The following TNRC18 variants were observed in gnomAD, a reference collection of about 807,000 sequenced individuals.
TNRC18 encodes trinucleotide repeat containing 18, also known as trinucleotide repeat-containing gene 18 protein.
Under a neutral mutation model 226.7 loss-of-function variants are expected in TNRC18, and 69 were observed. The ratio of observed to expected loss-of-function variants is 0.30; its 90% CI spans 0.25 to 0.37. TNRC18 has a LOEUF of 0.37. TNRC18 is among the 10% of genes least tolerant of loss of function. The pLI is 1.00. For synonymous variants in TNRC18, 2,449 were observed against 1,927.6 expected (o/e 1.27, Z -7.09); for missense variants, 4,754 against 4,256.6 (o/e 1.12, Z -3.25).
intron 21 of TNRC18, among the ~76,000 whole-genome samples, chr7:5,323,503 A>C (rs1788587817): frequency 6.7e-6 from 1 of 149,720 alleles, no homozygotes; most frequent in Non-Finnish European, 1.5e-5. Flanking sequence ...TGGACAGCAC[A>C]GCCTCCTAAC....
chr7:5,351,001 C>A (rs1452431268), intron 17 of TNRC18, among the ~76,000 whole-genome samples: 1 of 152,058 alleles, frequency 6.6e-6, no homozygotes, highest in Non-Finnish European at 1.5e-5. Context: ...TAACCACTGG[C>A]AAGTAAGAAT....
rs1010863348 is a variant in TNRC18 at position 5,306,811 on chromosome 7, TTTTC to T, written c.*1291_*1294del. 3 of 151,668 alleles carry T rather than the reference TTTTC, an allele frequency of 2.0e-5. No individual in the cohort carries two copies. Among genetic ancestry groups the T allele is most frequent in the African/African-American group, 7.3e-5 (3 of 41,178 alleles). The allele number at this position is 151,668 out of a possible 1,614,324, so 9.4% of individuals were successfully genotyped here. A position where few individuals can be genotyped will look rare whatever the true frequency, so the allele number is the denominator to read the frequency against. Reference sequence around the variant, plus strand: ...ACAATTTTATTTTTCCAATTAAATCTTTTCTTTTTTTTTATGAAAAAAGATCACA... The same window carrying T: ...ACAATTTTATTTTTCCAATTAAATCTTTTTTTTTTATGAAAAAAGATCACA... On this transcript the variant is annotated 3_prime_UTR_variant, in exon 30 of 30. Transcript: ENST00000430969.
At chr7:5,365,078 G>C (rs1376448856) in intron 11 of TNRC18, among the ~76,000 whole-genome samples, 1 of 152,104 alleles carries the variant, frequency 6.6e-6, no homozygotes, top group African/African-American at 2.4e-5. Context: ...GATGAGTTTT[G>C]ATTCATCTAA....
intron 27 of TNRC18, among the ~76,000 whole-genome samples, chr7:5,311,829 A>AAAAG (rs199935547): frequency 6.8e-6 from 1 of 147,862 alleles, no homozygotes; most frequent in Non-Finnish European, 1.5e-5. Flanking sequence ...TAAAAAAAAA[A>AAAAG]AAAGAAAGAA....
At chr7:5,310,528 C>T (rs1253672715) in intron 27 of TNRC18, among the ~76,000 whole-genome samples, 9 of 152,018 alleles carry the variant, frequency 5.9e-5, no homozygotes, top group Admixed American at 5.9e-4. Flanking sequence ...AGCCACTGCG[C>T]CCGGCTAAAA....
In TNRC18 at chr7:5,324,399, G is replaced by A; in HGVS notation, c.6301-44C>T. 1 of 1,604,624 alleles carries A rather than the reference G, an allele frequency of 6.2e-7. No individual in the cohort carries two copies. Among genetic ancestry groups the A allele is most frequent in the Non-Finnish European group, 8.5e-7 (1 of 1,175,840 alleles). On this transcript the variant is annotated intron_variant, in intron 20 of 29. Transcript: ENST00000430969. The surrounding 1 kb of genome is among the most constrained non-coding windows in gnomAD (Gnocchi z 4.8). ...CGACAAATGACTTAGGACCTGAACA[G>A]GGGTCCTGCCGGGTTGGGGACCCTC... is the stretch of plus-strand genomic sequence containing the variant.
intron 18 of TNRC18, among the ~76,000 whole-genome samples, chr7:5,334,499 G>A (rs973829772): frequency 2.0e-5 from 3 of 148,596 alleles, no homozygotes; most frequent in African/African-American, 7.5e-5. Flanking sequence ...GGGTTTCACC[G>A]TGTTAGGCAG....
chr7:5,314,025 AGGGCTCATTGCAGCCCTAACCTGCCT>A (rs1787587323), intron 26 of TNRC18, among the ~76,000 whole-genome samples, 162 bp from the exon 27 acceptor site: 1 of 151,904 alleles, frequency 6.6e-6, no homozygotes, highest in Non-Finnish European at 1.5e-5. Context: ...TGGCGTCATC[AGGGCTCATTGCAGCCCTAACCTGCCT>A]GGGCTCATGT....
chr7:5,421,265 G>C lies in TNRC18; in HGVS notation c.-19C>G. On this transcript the variant is annotated 5_prime_UTR_variant, in exon 2 of 30. It adds an upstream start codon to the 5' untranslated region. Transcript: ENST00000430969. The stretch of plus-strand genomic sequence containing the variant: ...CATCCATCCTCCGCGGGAGTGCCGC[G>C]ATCAGCCCCCCACCCGGCCCGCAGG... 2 of 1,283,556 alleles carry C rather than the reference G, an allele frequency of 1.6e-6. No homozygotes were observed. Among genetic ancestry groups the C allele is most frequent in the Non-Finnish European group, 2.0e-6 (2 of 1,012,874 alleles). 79.5% of individuals were successfully genotyped at this position (1,283,556 alleles called of 1,614,324 possible).
At chr7:5,354,785 G>C (rs1260076406) in intron 16 of TNRC18, among the ~76,000 whole-genome samples, 2 of 152,144 alleles carry the variant, frequency 1.3e-5, no homozygotes, top group African/African-American at 4.8e-5. Context: ...CGTGCCAGGT[G>C]CCACGTTCAG....
chr7:5,377,681 A>G lies in TNRC18; in HGVS notation c.2256-105T>C. Reference sequence around the variant, plus strand: ...ACTGTTTGCCACCAGGCCATGAGTCAGGACAACCACTGCTCGGAACTGAAG... The same window carrying G: ...ACTGTTTGCCACCAGGCCATGAGTCGGGACAACCACTGCTCGGAACTGAAG... On this transcript the variant is annotated intron_variant, in intron 6 of 29. Coordinates refer to ENST00000430969, the MANE Select transcript of TNRC18 (RefSeq NM_001080495.3). This position sits in a 1 kb window ranked among gnomAD's most constrained non-coding sequence, Gnocchi z 5.8. 1 of 1,286,236 alleles carries G rather than the reference A, an allele frequency of 7.8e-7. No individual in the cohort carries two copies. 79.7% of individuals were successfully genotyped at this position (1,286,236 alleles called of 1,614,324 possible).
chr7:5,367,569 A>G (rs1022997148), intron 11 of TNRC18, among the ~76,000 whole-genome samples: 1 of 151,254 alleles, frequency 6.6e-6, no homozygotes, highest in Non-Finnish European at 1.5e-5. Context: ...CTGGGATTAC[A>G]GGTGCCCGCC....
chr7:5,378,182 A>G (rs1779140941), intron 5 of TNRC18, among the ~76,000 whole-genome samples, 158 bp from the exon 6 acceptor site: 2 of 151,854 alleles, frequency 1.3e-5, no homozygotes, highest in African/African-American at 4.8e-5. Context: ...TTTCCTTATG[A>G]CGCATCAAGC....
chr7:5,402,817 G>A (rs1300443584), intron 2 of TNRC18, among the ~76,000 whole-genome samples: 1 of 151,888 alleles, frequency 6.6e-6, no homozygotes, highest in Non-Finnish European at 1.5e-5. Flanking sequence ...CAGTGCCACT[G>A]CACTCAAGCC....
chr7:5,411,285 G>T (rs546273889), intron 2 of TNRC18, among the ~76,000 whole-genome samples: 21 of 151,308 alleles, frequency 1.4e-4, no homozygotes, highest in African/African-American at 4.4e-4. Context: ...ACAAAGATCA[G>T]CAATCAAAAA....
At chr7:5,342,287 G>A (rs1457842659) in intron 18 of TNRC18, among the ~76,000 whole-genome samples, 1 of 152,110 alleles carries the variant, frequency 6.6e-6, no homozygotes, top group Admixed American at 6.5e-5. Context: ...AAATCTGCCA[G>A]GTGTGGTGGC....
chr7:5,325,456 C>T, intron 19 of TNRC18: 1 of 544,780 alleles, frequency 1.8e-6, no homozygotes, highest in Non-Finnish European at 3.1e-6. Context: ...CGGAGTCTCG[C>T]TCTGTCACCG....
chr7:5,420,961 G>C (rs1188947909), intron 2 of TNRC18, 99 bp downstream of exon 2: 18 of 1,453,564 alleles, frequency 1.2e-5, no homozygotes, highest in Non-Finnish European at 1.4e-5. Flanking sequence ...CCGACCGAAG[G>C]AGAGTCGCCG....
Position 5,377,587 on chromosome 7 carries a change from G to A in TNRC18, c.2256-11C>T, listed in dbSNP as rs774834398. 3 of 1,566,442 alleles carry A rather than the reference G, an allele frequency of 1.9e-6. No individual in the cohort carries two copies. Among genetic ancestry groups the A allele is most frequent in the South Asian group, 1.2e-5 (1 of 85,430 alleles). ...AGCTCCTTACTCTCTCTGGAAGGAG[G>A]ATCATAGGTGTCAGCGACAGCTCGG... On this transcript the variant is annotated splice_polypyrimidine_tract_variant and intron_variant, in intron 6 of 29. Transcript: ENST00000430969. The surrounding 1 kb of genome is among the most constrained non-coding windows in gnomAD (Gnocchi z 5.8).
Sources: gnomAD v4.1 joint callset for allele counts (sites outside exome capture counted in the v4.1 genomes callset) on GRCh38, gnomAD v4.1.1 for gene constraint, Gnocchi (gnomAD v3.1) non-coding constraint, MANE v1.5 for transcripts, NCBI Gene and HGNC (gene_info 2026-07-23, HGNC 2026-07-21) for gene names.